The following RAB6B variants were observed in gnomAD, a reference collection of about 807,000 sequenced individuals.
The protein encoded by RAB6B is ras-related protein Rab-6B.
RAB6B carries 7 observed loss-of-function variants against 31.2 expected under a neutral mutation model. That is an observed-to-expected ratio of 0.22 (90% CI 0.13 to 0.42). The LOEUF (loss-of-function observed/expected upper bound fraction) is 0.42. Among genes scored for constraint, RAB6B ranks in the 10% least tolerant of loss-of-function variants. RAB6B has a pLI of 1.00. For missense variants in RAB6B, 149 were observed against 280.6 expected (o/e 0.53, Z 3.35); for synonymous variants, 105 against 104.9 (o/e 1.00, Z -0.01).
At chr3:133,882,343 C>CA (rs1936480301) in intron 1 of RAB6B, among the ~76,000 whole-genome samples, 1 of 152,220 alleles carries the variant, frequency 6.6e-6, no homozygotes, top group Admixed American at 6.5e-5. Context: ...ACCTTTGCCA[C>CA]ACTATATTTG....
chr3:133,881,298 C>T (rs558945432), intron 1 of RAB6B, among the ~76,000 whole-genome samples: 6 of 152,310 alleles, frequency 3.9e-5, no homozygotes, highest in African/African-American at 1.4e-4. Context: ...AGAGGGGCCA[C>T]AGAAGAGGGA....
In RAB6B at chr3:133,828,487, CA is replaced by C; in HGVS notation, c.*300del. 2.3e-6 allele frequency: 1 copy of C among 434,846 alleles called. No individual in the cohort carries two copies. The highest frequency in any genetic ancestry group is 4.6e-5 in the East Asian group (1 of 21,954). The allele number at this position is 434,846 out of a possible 1,614,324, so 26.9% of individuals were successfully genotyped here. ...TAAAAATGACTACATTTTTATCTGG[CA>C]AAAAATTGTATACACATGATTTAAA... On this transcript the variant is annotated 3_prime_UTR_variant, in exon 8 of 8. Coordinates refer to ENST00000285208, the MANE Select transcript of RAB6B (RefSeq NM_016577.4).
At chr3:133,868,723 T>C (rs1213515164) in intron 1 of RAB6B, among the ~76,000 whole-genome samples, 2 of 152,230 alleles carry the variant, frequency 1.3e-5, no homozygotes, top group Admixed American at 1.3e-4. Flanking sequence ...TTCTCCTTTT[T>C]CAACCAAATG....
At chr3:133,856,776 G>C (rs1332916033) in intron 2 of RAB6B, among the ~76,000 whole-genome samples, 2 of 152,020 alleles carry the variant, frequency 1.3e-5, no homozygotes, top group Admixed American at 6.6e-5. Context: ...TCTTCTGCCG[G>C]GTCAATGTTC....
intron 1 of RAB6B, among the ~76,000 whole-genome samples, chr3:133,870,353 C>T (rs945154740): frequency 7.9e-5 from 12 of 152,140 alleles, no homozygotes; most frequent in Admixed American, 2.6e-4. Context: ...GTCCTTGACA[C>T]GTGGGGATCA....
chr3:133,838,296 G>A, intron 5 of RAB6B, 37 bp from the exon 6 acceptor site: 1 of 1,581,886 alleles, frequency 6.3e-7, no homozygotes, highest in Admixed American at 1.7e-5. Flanking sequence ...CAGCTCAGCA[G>A]AGAAGCAGAC....
Position 133,895,710 on chromosome 3 carries a change from C to T in RAB6B, c.-244G>A. ...AAGGCTGGGGCTGGGCTGCTGCGGT[C>T]GGCACTGGCTGCGGTGCGAGGGGCG... On this transcript the variant is annotated 5_prime_UTR_variant, in exon 1 of 8. Coordinates refer to ENST00000285208, the MANE Select transcript of RAB6B (RefSeq NM_016577.4). The T allele has an allele frequency of 3.8e-6, 2 of 531,966 alleles. No individual in the cohort carries two copies. The highest frequency in any genetic ancestry group is 3.4e-5 in the East Asian group (1 of 29,382). The allele number at this position is 531,966 out of a possible 1,614,324, so 33.0% of individuals were successfully genotyped here. A position where few individuals can be genotyped will look rare whatever the true frequency, so the allele number is the denominator to read the frequency against.
intron 1 of RAB6B, among the ~76,000 whole-genome samples, chr3:133,880,122 C>T (rs943458556): frequency 1.3e-5 from 2 of 152,222 alleles, no homozygotes; most frequent in African/African-American, 4.8e-5. Context: ...ATTCCCACCA[C>T]CATCTGATCT....
intron 1 of RAB6B, among the ~76,000 whole-genome samples, chr3:133,867,117 C>T (rs1200598785): frequency 6.6e-6 from 1 of 152,248 alleles, no homozygotes; most frequent in Non-Finnish European, 1.5e-5. Context: ...CCATGAGACA[C>T]CAGCCACTGG....
Position 133,839,437 on chromosome 3 carries a change from C to A in RAB6B, c.401+69G>T, listed in dbSNP as rs542540493. 186 of 1,351,718 alleles carry A rather than the reference C, an allele frequency of 1.4e-4. 3 individuals carry two copies. In the East Asian group the frequency reaches 4.2e-3, roughly 30 times the overall value. 83.7% of individuals were successfully genotyped at this position (1,351,718 alleles called of 1,614,324 possible). A position where few individuals can be genotyped will look rare whatever the true frequency, so the allele number is the denominator to read the frequency against. ...GACACACCACCCATGCATCCCAGAG[C>A]TCCCTGTCCAGGAGCAGTTACAGAG... On this transcript the variant is annotated intron_variant, in intron 5 of 7. Coordinates refer to ENST00000285208, the MANE Select transcript of RAB6B (RefSeq NM_016577.4).
chr3:133,874,293 T>C (rs1936363304), intron 1 of RAB6B, among the ~76,000 whole-genome samples: 1 of 152,352 alleles, frequency 6.6e-6, no homozygotes, highest in South Asian at 2.1e-4. Context: ...GCAAACATCA[T>C]AAAGTATGCT....
At chr3:133,884,372 G>A (rs114771032) in intron 1 of RAB6B, among the ~76,000 whole-genome samples, 161 of 152,326 alleles carry the variant, frequency 1.1e-3, no homozygotes, top group Middle Eastern at 6.8e-3. Context: ...GGTTCAAAAC[G>A]GCAGTGTCTG....
chr3:133,839,361 A>G (rs79582400), intron 5 of RAB6B, 145 bp downstream of exon 5: 1 of 679,828 alleles, frequency 1.5e-6, no homozygotes, highest in Non-Finnish European at 2.6e-6. Context: ...GGTGTCCTCA[A>G]AGCTCCTAGT....
chr3:133,861,217 G>A (rs974037602), intron 2 of RAB6B, among the ~76,000 whole-genome samples: 1 of 152,208 alleles, frequency 6.6e-6, no homozygotes, highest in Non-Finnish European at 1.5e-5. Context: ...TACTTAGTTG[G>A]GGTTTTATAT....
chr3:133,866,900 C>T (rs569263560), intron 1 of RAB6B, among the ~76,000 whole-genome samples: 3 of 152,392 alleles, frequency 2.0e-5, no homozygotes, highest in South Asian at 2.1e-4. Context: ...CGACGCTCTG[C>T]GTCTTGCACC....
intron 2 of RAB6B, among the ~76,000 whole-genome samples, chr3:133,844,926 G>T (rs1183322955): frequency 7.0e-6 from 1 of 143,844 alleles, no homozygotes; most frequent in Non-Finnish European, 1.5e-5. Context: ...CTGGTCAACA[G>T]AGCAAGACCC....
At chr3:133,870,911 C>T (rs1936314493) in intron 1 of RAB6B, among the ~76,000 whole-genome samples, 1 of 152,216 alleles carries the variant, frequency 6.6e-6, no homozygotes, top group South Asian at 2.1e-4. Flanking sequence ...CTGGAAATCC[C>T]ACCAATGCAG....
intron 7 of RAB6B, among the ~76,000 whole-genome samples, chr3:133,831,753 C>T (rs1186669572): frequency 2.0e-5 from 3 of 152,208 alleles, no homozygotes; most frequent in East Asian, 1.9e-4. Context: ...AGAGCACACC[C>T]GCCTCTTCCC....
At chr3:133,873,468 C>G (rs1936353224) in intron 1 of RAB6B, among the ~76,000 whole-genome samples, 1 of 152,188 alleles carries the variant, frequency 6.6e-6, no homozygotes. Context: ...GAGAAACATG[C>G]TGCCAGCACA....
Sources: gnomAD v4.1 joint callset for allele counts (sites outside exome capture counted in the v4.1 genomes callset) on GRCh38, gnomAD v4.1.1 for gene constraint, MANE v1.5 for transcripts, NCBI Gene and HGNC (gene_info 2026-07-23, HGNC 2026-07-21) for gene names.